The following GUCD1 variants were observed in gnomAD, a reference collection of about 807,000 sequenced individuals.
GUCD1 encodes protein GUCD1.
GUCD1 carries 17 observed loss-of-function variants against 28.3 expected under a neutral mutation model. The observed-to-expected ratio is 0.60, with a 90% CI of 0.41 to 0.90. The LOEUF is 0.90. Among genes scored for constraint, GUCD1 ranks in the 40% least tolerant of loss-of-function variants. The pLI is 0.00. For synonymous variants in GUCD1, 129 were observed against 123.3 expected (o/e 1.05, Z -0.30); for missense variants, 279 against 305.5 (o/e 0.91, Z 0.65).
upstream of GUCD1, chr22:24,555,481 C>T (rs1229732922): frequency 2.5e-6 from 3 of 1,194,856 alleles, no homozygotes; most frequent in East Asian, 5.1e-5. Context: ...CCTGATCCCG[C>T]CCAGTGCATC....
chr22:24,554,642 G>C (rs1037532086), intron 1 of GUCD1, among the ~76,000 whole-genome samples: 5 of 152,204 alleles, frequency 3.3e-5, no homozygotes, highest in Admixed American at 3.3e-4. Flanking sequence ...CGGTGCTCTC[G>C]GCCAGTTTCC....
rs771206421 is a variant in GUCD1 at position 24,542,989 on chromosome 22, G to A, written c.*17C>T. Reference sequence around the variant, plus strand: ...GGGGATGGGGTCCGAGGGCCTAGGCGCACCAGGCTCCTGCTGTCAGCTGTC... The same window carrying A: ...GGGGATGGGGTCCGAGGGCCTAGGCACACCAGGCTCCTGCTGTCAGCTGTC... On this transcript the variant is annotated 3_prime_UTR_variant, in exon 6 of 6. Coordinates refer to ENST00000435822, the MANE Select transcript of GUCD1 (RefSeq NM_001284254.2). 7.6e-5 allele frequency: 120 copies of A among 1,588,532 alleles called. No homozygotes were observed. Among genetic ancestry groups the A allele is most frequent in the Non-Finnish European group, 9.4e-5 (109 of 1,157,028 alleles).
At chr22:24,553,878 G>A (rs889229523) in intron 1 of GUCD1, among the ~76,000 whole-genome samples, 1 of 152,218 alleles carries the variant, frequency 6.6e-6, no homozygotes, top group Non-Finnish European at 1.5e-5. Flanking sequence ...AAGGTTAGGC[G>A]AGGCCTTGGC....
At chr22:24,555,316 C>G (rs1365792140), upstream of GUCD1, 3 of 1,397,122 alleles carry the variant, frequency 2.1e-6, no homozygotes, top group Admixed American at 9.3e-5. Flanking sequence ...AATCCTCGCG[C>G]AGACGCGCAG....
chr22:24,548,065 C>T lies in GUCD1; in HGVS notation c.137G>A (p.Gly46Asp), dbSNP rs1392817544. Residue 46 changes from glycine (G) to aspartate (D), a missense_variant, in exon 3 of 6, where the codon GGC (glycine) becomes GAC (aspartate). Transcript: ENST00000435822. ...CTCAAACTCACTGTCGTCCAGCTGG[C>T]CCAGGTACCTGCAGGTAGACGAGCT... ...ACSRMVLRYL[G>D]QLDDSEFERA... 1 of 1,613,720 alleles carries T rather than the reference C, an allele frequency of 6.2e-7. No individual in the cohort carries two copies. Among genetic ancestry groups the T allele is most frequent in the East Asian group, 2.2e-5 (1 of 44,878 alleles).
Position 24,543,056 on chromosome 22 carries a change from T to C in GUCD1, c.670A>G (p.Thr224Ala). The C allele has an allele frequency of 6.2e-7, 1 of 1,614,040 alleles. No homozygotes were observed. Among genetic ancestry groups the C allele is most frequent in the Non-Finnish European group, 8.5e-7 (1 of 1,179,924 alleles). The change falls in exon 6 of 6, where the codon ACC (threonine) becomes GCC (alanine). Residue 224 changes from threonine (T) to alanine (A), a missense_variant. Transcript: ENST00000435822. ...TSISNFEEAR[T>A]SYGTDEDILF... is the part of the protein sequence containing the mutation. ...ATGTCCTCATCTGTGCCATAGCTGG[T>C]TCTGGCCTCCTCAAAGTTACTGATG...
chr22:24,542,955 G>A lies in GUCD1; in HGVS notation c.*51C>T, dbSNP rs115772121. On this transcript the variant is annotated 3_prime_UTR_variant, in exon 6 of 6. Transcript: ENST00000435822. ...GGGCCAGGGCATCCTGAGCGGGCCCGGCTGGGGTGGGGATGGGGTCCGAGG... is the reference window on the plus strand; with the variant it reads ...GGGCCAGGGCATCCTGAGCGGGCCCAGCTGGGGTGGGGATGGGGTCCGAGG... 837 of 1,379,862 alleles carry A rather than the reference G, an allele frequency of 6.1e-4. 5 individuals carry two copies. In the African/African-American group the frequency reaches 9.0e-3, roughly 15 times the overall value. The allele number at this position is 1,379,862 out of a possible 1,614,324, so 85.5% of individuals were successfully genotyped here.
Position 24,543,147 on chromosome 22 carries a change from A to G in GUCD1, c.629-50T>C, listed in dbSNP as rs200965349. 2,702 of 1,289,604 alleles carry G rather than the reference A, an allele frequency of 2.1e-3. 9 individuals are homozygous for G. The highest frequency in any genetic ancestry group is 2.5e-3 in the Non-Finnish European group (2,173 of 885,352). The allele number at this position is 1,289,604 out of a possible 1,614,324, so 79.9% of individuals were successfully genotyped here. Reference sequence around the variant, plus strand: ...CGGGGTCAGTGGGTTGTGAGAGAGCACCTACACCACCGACACAGTGCCCAG... The same window carrying G: ...CGGGGTCAGTGGGTTGTGAGAGAGCGCCTACACCACCGACACAGTGCCCAG... On this transcript the variant is annotated intron_variant, in intron 5 of 5. Coordinates refer to ENST00000435822, the MANE Select transcript of GUCD1 (RefSeq NM_001284254.2).
At chr22:24,552,844 G>A (rs1220128823) in intron 1 of GUCD1, among the ~76,000 whole-genome samples, 1 of 152,036 alleles carries the variant, frequency 6.6e-6, no homozygotes, top group Non-Finnish European at 1.5e-5. Context: ...CTGTCGCCCA[G>A]GCTGGAGTGC....
At chr22:24,551,888 A>C (rs1199918567) in intron 1 of GUCD1, among the ~76,000 whole-genome samples, 4 of 152,242 alleles carry the variant, frequency 2.6e-5, no homozygotes, top group Non-Finnish European at 5.9e-5. Context: ...AGATATCCAC[A>C]ACCAAAAATA....
chr22:24,547,321 C>A, intron 3 of GUCD1: 1 of 331,482 alleles, frequency 3.0e-6, no homozygotes, highest in Non-Finnish European at 5.7e-6. Flanking sequence ...AGCAGGAGCC[C>A]GTAGCGAATA....
chr22:24,547,684 C>G, intron 3 of GUCD1: 1 of 539,480 alleles, frequency 1.9e-6, no homozygotes, highest in Non-Finnish European at 3.4e-6. Context: ...AGCCAGGACT[C>G]AGTACTCAGA....
chr22:24,548,497 TGAAAAAC>T (rs1484476060), intron 2 of GUCD1, among the ~76,000 whole-genome samples: 1 of 152,164 alleles, frequency 6.6e-6, no homozygotes, highest in Non-Finnish European at 1.5e-5. Context: ...GGAAGCCAAA[TGAAAAAC>T]TCTTGTACAA....
upstream of GUCD1, chr22:24,555,450 T>C (rs1452550644): frequency 1.8e-6 from 2 of 1,138,716 alleles, no homozygotes; most frequent in Admixed American, 5.5e-5. Flanking sequence ...TCCCGCTCTT[T>C]TGCCAGTCCT....
chr22:24,555,589 C>T (rs546233946), upstream of GUCD1: 17 of 1,549,174 alleles, frequency 1.1e-5, no homozygotes, highest in East Asian at 1.2e-4. Context: ...TACCAGATAC[C>T]TAGCCTCACT....
intron 1 of GUCD1, among the ~76,000 whole-genome samples, chr22:24,550,908 T>C (rs775171087): frequency 6.6e-6 from 1 of 152,168 alleles, no homozygotes; most frequent in African/African-American, 2.4e-5. Flanking sequence ...GCCCTTGCAT[T>C]GAGCTTGTCT....
At chr22:24,544,124 C>T in intron 4 of GUCD1, 41 bp from the exon 5 acceptor site, 1 of 1,590,304 alleles carries the variant, frequency 6.3e-7, no homozygotes, top group Non-Finnish European at 8.6e-7. Context: ...GCTGGGCCCC[C>T]ATTCCCCATC....
chr22:24,548,935 C>A lies in GUCD1; in HGVS notation c.110G>T (p.Cys37Phe). ...QLYHWDCGLA[C>F]SRMVLRYLGQ... ...CACTCACCGCAGCACCATCCTGGAG[C>A]AGGCCAGGCCACAGTCCCAGTGGTA... Residue 37 changes from cysteine to phenylalanine, a missense_variant, in exon 2 of 6, where the codon TGC becomes TTC. Coordinates refer to ENST00000435822, the MANE Select transcript of GUCD1 (RefSeq NM_001284254.2). The A allele has an allele frequency of 6.3e-7, 1 of 1,581,970 alleles. No homozygotes were observed. Among genetic ancestry groups the A allele is most frequent in the Non-Finnish European group, 8.6e-7 (1 of 1,163,634 alleles).
chr22:24,555,493 C>A, upstream of GUCD1: 1 of 1,256,152 alleles, frequency 8.0e-7, no homozygotes, highest in Non-Finnish European at 1.1e-6. Context: ...CAGTGCATCC[C>A]CGAGGCCCCA....
Sources: allele counts gnomAD v4.1 joint callset (sites outside exome capture counted in the v4.1 genomes callset), GRCh38; gene constraint gnomAD v4.1.1; transcripts MANE v1.5; gene names NCBI Gene and HGNC (gene_info 2026-07-23, HGNC 2026-07-21).